The following SPOCK2 variants were observed in gnomAD, a reference collection of about 807,000 sequenced individuals.
SPOCK2 encodes the protein testican-2.
SPOCK2 carries 39 observed loss-of-function variants against 60.1 expected under a neutral mutation model. The observed-to-expected ratio is 0.65, with a 90% CI of 0.50 to 0.85. The LOEUF (loss-of-function observed/expected upper bound fraction) is 0.85, where lower values mean the gene tolerates loss of function less well. SPOCK2 is among the 40% of genes least tolerant of loss of function. The pLI is 0.00. For synonymous variants in SPOCK2, 217 were observed against 231.5 expected (o/e 0.94, Z 0.57); for missense variants, 523 against 567.4 (o/e 0.92, Z 0.80).
At chr10:72,077,847 C>G (rs1159556465) in intron 1 of SPOCK2, among the ~76,000 whole-genome samples, 1 of 152,164 alleles carries the variant, frequency 6.6e-6, no homozygotes, top group Non-Finnish European at 1.5e-5. Context: ...CCGAATCCCT[C>G]TCGCTTGCCC....
At chr10:72,063,312 T>C (rs1840523263) in intron 9 of SPOCK2, 150 bp from the exon 10 acceptor site, 2 of 1,172,238 alleles carry the variant, frequency 1.7e-6, no homozygotes, top group Admixed American at 2.7e-5. Context: ...CAGGCCCAGA[T>C]GCTGAGAGCT....
Position 72,087,066 on chromosome 10 carries a change from C to T in SPOCK2, c.189+1074G>A. On this transcript the variant is annotated intron_variant, in intron 1 of 10. Transcript: ENST00000373109. This position sits in a 1 kb window ranked among gnomAD's most constrained non-coding sequence, Gnocchi z 4.7. ...GTCAGGGCCGCGGTGAGCACCAGGT[C>T]GCCAGGAGCAGCCGGCGTCGCCTCT... 5 of 1,495,740 alleles carry T rather than the reference C, an allele frequency of 3.3e-6. No homozygotes were observed. The highest frequency in any genetic ancestry group is 4.5e-6 in the Non-Finnish European group (5 of 1,114,688). The allele number at this position is 1,495,740 out of a possible 1,614,324, so 92.7% of individuals were successfully genotyped here. A position where few individuals can be genotyped will look rare whatever the true frequency, so the allele number is the denominator to read the frequency against.
In SPOCK2 at chr10:72,062,938, G is replaced by A. The variant is rs1309252734; in HGVS notation, c.1130-33C>T. ...GGGATCAAGCCAACAGGGGGTGAGG[G>A]AGCTTCTGGCACGCACCCCCCAGCA... On this transcript the variant is annotated intron_variant, in intron 10 of 10. Coordinates refer to ENST00000373109, the MANE Select transcript of SPOCK2 (RefSeq NM_001244950.2). This position sits in a 1 kb window ranked among gnomAD's most constrained non-coding sequence, Gnocchi z 4.3. The A allele has an allele frequency of 4.4e-6, 7 of 1,591,980 alleles. No individual in the cohort carries two copies. Among genetic ancestry groups the A allele is most frequent in the South Asian group, 1.1e-5 (1 of 88,510 alleles).
intron 1 of SPOCK2, among the ~76,000 whole-genome samples, chr10:72,083,468 A>G (rs1245554): frequency 1 from 152,326 of 152,390 alleles, 76,131 homozygotes; most frequent in Middle Eastern, 1. Flanking sequence ...TGAGCAGAGC[A>G]CTCTCTCTGG....
At chr10:72,064,271 CTG>C (rs1327122369) in intron 8 of SPOCK2, 31 bp from the exon 9 acceptor site, 3 of 1,560,026 alleles carry the variant, frequency 1.9e-6, no homozygotes, top group Admixed American at 3.7e-5. Flanking sequence ...TCTGATGGGA[CTG>C]TCCCCTGGTG....
At chr10:72,075,572 G>A (rs1405339402) in intron 1 of SPOCK2, among the ~76,000 whole-genome samples, 2 of 152,196 alleles carry the variant, frequency 1.3e-5, no homozygotes, top group Non-Finnish European at 2.9e-5. Flanking sequence ...TCAAGACCAA[G>A]AATTTATGAT....
intron 1 of SPOCK2, among the ~76,000 whole-genome samples, chr10:72,084,335 GT>G (rs1840827617): frequency 6.6e-6 from 1 of 152,224 alleles, no homozygotes; most frequent in African/African-American, 2.4e-5. Context: ...AGCTCAGAGG[GT>G]TTAGGTGATG....
Position 72,067,660 on chromosome 10 carries a change from T to A in SPOCK2, c.662A>T (p.Asn221Ile). 6.2e-7 allele frequency: 1 copy of A among 1,613,546 alleles called. No individual in the cohort carries two copies. The highest frequency in any genetic ancestry group is 1.1e-5 in the South Asian group (1 of 91,040). ...GCTGGCTGAGCCATTCTGCTTGGAG[T>A]TCTCATGAAGGAGCTGGAACCAGTC... ...LRDWFQLLHE[N>I]SKQNGSASSV... is the part of the protein sequence containing the mutation. Residue 221 changes from asparagine (N) to isoleucine (I), a missense_variant, in exon 7 of 11, where the codon AAC becomes ATC. By Grantham distance (149) the Asn-to-Ile change is moderately radical (BLOSUM62 -3). Transcript: ENST00000373109.
chr10:72,061,938 C>G lies in SPOCK2; in HGVS notation c.*822G>C, dbSNP rs556288922. 6.5e-6 allele frequency: 1 copy of G among 153,520 alleles called. No individual in the cohort carries two copies. Among genetic ancestry groups the G allele is most frequent in the East Asian group, 1.9e-4 (1 of 5,198 alleles). 9.5% of individuals were successfully genotyped at this position (153,520 alleles called of 1,614,324 possible). A position where few individuals can be genotyped will look rare whatever the true frequency, so the allele number is the denominator to read the frequency against. On this transcript the variant is annotated 3_prime_UTR_variant, in exon 11 of 11. Coordinates refer to ENST00000373109, the MANE Select transcript of SPOCK2 (RefSeq NM_001244950.2). ...ACCCCCTCTCCTCACCCTGTTCTAC[C>G]TGCACCACCTGGGCCACCTGGGACA...
chr10:72,063,994 G>A (rs1840531920), intron 9 of SPOCK2, among the ~76,000 whole-genome samples, 184 bp downstream of exon 9: 2 of 152,216 alleles, frequency 1.3e-5, no homozygotes, highest in African/African-American at 4.8e-5. Flanking sequence ...GGGCAGATTG[G>A]GAGTCCCTGC....
intron 1 of SPOCK2, among the ~76,000 whole-genome samples, chr10:72,074,983 G>A (rs1840696841): frequency 6.6e-6 from 1 of 151,862 alleles, no homozygotes; most frequent in Non-Finnish European, 1.5e-5. Context: ...GGAGCCTGTG[G>A]GGCACCTGGC....
intron 5 of SPOCK2, 106 bp from the exon 6 acceptor site, chr10:72,068,407 C>A (rs537992825): frequency 5.7e-6 from 7 of 1,217,686 alleles, no homozygotes; most frequent in East Asian, 2.6e-5. Flanking sequence ...TGCCTCCCCC[C>A]ATGGAGTGCC....
At chr10:72,064,410 A>C (rs1449053826) in intron 8 of SPOCK2, among the ~76,000 whole-genome samples, 170 bp from the exon 9 acceptor site, 1 of 152,204 alleles carries the variant, frequency 6.6e-6, no homozygotes, top group Non-Finnish European at 1.5e-5. Context: ...GTTCTATGGC[A>C]CGAAAACGCT....
intron 8 of SPOCK2, among the ~76,000 whole-genome samples, chr10:72,065,358 C>A (rs1177571906): frequency 6.6e-6 from 1 of 152,206 alleles, no homozygotes; most frequent in African/African-American, 2.4e-5. Context: ...TGTTTAGATG[C>A]ACAAATGCTT....
chr10:72,076,468 G>A (rs1177254601), intron 1 of SPOCK2, among the ~76,000 whole-genome samples: 1 of 152,210 alleles, frequency 6.6e-6, no homozygotes, highest in Middle Eastern at 3.2e-3. Flanking sequence ...GGTGGCAGGT[G>A]GCTCTGCTGC....
At chr10:72,077,500 C>A (rs902386577) in intron 1 of SPOCK2, among the ~76,000 whole-genome samples, 1 of 152,108 alleles carries the variant, frequency 6.6e-6, no homozygotes, top group Non-Finnish European at 1.5e-5. Context: ...GGGTGGTACC[C>A]AGCTCGGGCC....
At position 72,059,546 on chromosome 10, in the gene SPOCK2, C is replaced by T. The variant is rs1370526164; in HGVS notation, c.*3214G>A. 1 of 152,254 alleles carries T rather than the reference C, an allele frequency of 6.6e-6. No homozygotes were observed. Among genetic ancestry groups the T allele is most frequent in the East Asian group, 1.9e-4 (1 of 5,196 alleles). The allele number at this position is 152,254 out of a possible 1,614,324, so 9.4% of individuals were successfully genotyped here. A position where few individuals can be genotyped will look rare whatever the true frequency, so the allele number is the denominator to read the frequency against. ...CTCGACGACCCCAGGTATCAAAGCTCAGCCATTTGTTCTCCCCAGGGGCTG... is the reference window on the plus strand; with the variant it reads ...CTCGACGACCCCAGGTATCAAAGCTTAGCCATTTGTTCTCCCCAGGGGCTG... On this transcript the variant is annotated 3_prime_UTR_variant, in exon 11 of 11. Coordinates refer to ENST00000373109, the MANE Select transcript of SPOCK2 (RefSeq NM_001244950.2).
At chr10:72,063,213 C>A (rs1050135740) in intron 9 of SPOCK2, 51 bp from the exon 10 acceptor site, 2 of 1,548,220 alleles carry the variant, frequency 1.3e-6, no homozygotes, top group Non-Finnish European at 8.7e-7. Context: ...AGGCTGTGGG[C>A]CCCTCAGAGA....
In SPOCK2 at chr10:72,073,578, C is replaced by A. The variant is rs77767801; in HGVS notation, c.190-668G>T. Among the ~76,000 whole-genome samples the A allele has an allele frequency of 7.9e-3, 1,206 of 152,336 alleles. 15 individuals are homozygous for A. Among genetic ancestry groups the A allele is most frequent in the African/African-American group, 0.027 (1,112 of 41,574 alleles). On this transcript the variant is annotated intron_variant, in intron 1 of 10. Coordinates refer to ENST00000373109, the MANE Select transcript of SPOCK2 (RefSeq NM_001244950.2). Reference sequence around the variant, plus strand: ...TACGAGGTCACCTGGTCCAGCCCCCCCTTTGTGCCGGAGAAAGCCCAGAGA... The same window carrying A: ...TACGAGGTCACCTGGTCCAGCCCCCACTTTGTGCCGGAGAAAGCCCAGAGA...
Sources: allele counts gnomAD v4.1 joint callset (sites outside exome capture counted in the v4.1 genomes callset), GRCh38; gene constraint gnomAD v4.1.1; non-coding constraint Gnocchi (gnomAD v3.1); transcripts MANE v1.5; gene names NCBI Gene and HGNC (gene_info 2026-07-23, HGNC 2026-07-21).